GABRA3: variants seen among roughly 807,000 people sequenced by gnomAD.
GABRA3 encodes the protein gamma-aminobutyric acid receptor subunit alpha-3.
Under a neutral mutation model 30.1 loss-of-function variants are expected in GABRA3, and 10 were observed. That is an observed-to-expected ratio of 0.33 (90% CI 0.20 to 0.56). GABRA3 has a LOEUF of 0.56. Among genes scored for constraint, GABRA3 ranks in the 20% least tolerant of loss-of-function variants. The pLI is 0.89. For synonymous variants in GABRA3, 151 were observed against 146.8 expected (o/e 1.03, Z -0.21); for missense variants, 233 against 392.0 (o/e 0.59, Z 3.42).
intron 2 of GABRA3, among the ~76,000 whole-genome samples, chrX:152,352,509 C>T (rs759569795): frequency 1.2e-4 from 13 of 111,014 alleles, no homozygotes; most frequent in Non-Finnish European, 2.3e-4. Context: ...CATGCTGTCA[C>T]TGCCAGCATC....
At chrX:152,444,137 T>C (rs998878591) in intron 1 of GABRA3, among the ~76,000 whole-genome samples, 1 of 111,032 alleles carries the variant, frequency 9.0e-6, no homozygotes, top group African/African-American at 3.3e-5. Flanking sequence ...AACAATGTAA[T>C]GGTAGATATT....
intron 6 of GABRA3, among the ~76,000 whole-genome samples, chrX:152,215,209 G>A (rs1409750273): frequency 9.2e-6 from 1 of 108,952 alleles, no homozygotes; most frequent in Non-Finnish European, 1.9e-5. Context: ...GAAGTGGTGA[G>A]ACTGGGTATC....
At chrX:152,307,106 T>A (rs1026554261) in intron 3 of GABRA3, among the ~76,000 whole-genome samples, 1 of 111,128 alleles carries the variant, frequency 9.0e-6, no homozygotes, top group Admixed American at 9.6e-5. Context: ...TGAGACTGAG[T>A]CCTGGGTCAA....
At position 152,230,211 on chromosome X, in the gene GABRA3, A is replaced by T. The variant is rs143125930; in HGVS notation, c.552-5366T>A. Among the ~76,000 whole-genome samples the T allele has an allele frequency of 4.1e-3, 459 of 111,750 alleles. 2 individuals carry two copies. The Middle Eastern group carries it at 0.057, about 14-fold the overall frequency. ...TATATTAAAAATCATTTAATTGTAC[A>T]CTTCAAGAGGATAAATTGTATGACA... On this transcript the variant is annotated intron_variant, in intron 5 of 9. Transcript: ENST00000370314.
At chrX:152,325,632 G>T (rs1004439905) in intron 3 of GABRA3, among the ~76,000 whole-genome samples, 3 of 112,173 alleles carry the variant, frequency 2.7e-5, no homozygotes, top group Non-Finnish European at 3.8e-5. Flanking sequence ...GCAGCTGAGG[G>T]TCCTAACGGT....
In GABRA3 at chrX:152,190,655, T is replaced by C. The variant is rs1323643849; in HGVS notation, c.932-714A>G. On this transcript the variant is annotated intron_variant, in intron 8 of 9. Coordinates refer to ENST00000370314, the MANE Select transcript of GABRA3 (RefSeq NM_000808.4). ...AGCAAACTATCGTGGAAAGTGGTTC[T>C]GTAGCTGCGTCACACACTAGGTCCC... Among the ~76,000 whole-genome samples, 3 of 110,524 alleles carry C rather than the reference T, an allele frequency of 2.7e-5. No individual in the cohort carries two copies. In the East Asian group the frequency reaches 8.5e-4, roughly 31 times the overall value.
At chrX:152,388,505 C>T (rs557104141) in intron 1 of GABRA3, among the ~76,000 whole-genome samples, 10 of 111,842 alleles carry the variant, frequency 8.9e-5, no homozygotes, top group African/African-American at 2.9e-4. Flanking sequence ...ATTCACAATG[C>T]GTAAGTTGAC....
chrX:152,247,495 G>A (rs775845769), intron 5 of GABRA3, among the ~76,000 whole-genome samples: 56 of 111,513 alleles, frequency 5.0e-4, no homozygotes, highest in Admixed American at 3.5e-3. Flanking sequence ...GAATGACTTG[G>A]GTCTCTATAC....
intron 5 of GABRA3, among the ~76,000 whole-genome samples, chrX:152,232,402 C>G (rs1938099187): frequency 9.1e-6 from 1 of 109,577 alleles, no homozygotes; most frequent in African/African-American, 3.3e-5. Flanking sequence ...TTTCCCTTCC[C>G]TCACCCCTTC....
intron 5 of GABRA3, among the ~76,000 whole-genome samples, chrX:152,234,503 T>TCA (rs778262866): frequency 9.6e-4 from 107 of 111,647 alleles, no homozygotes; most frequent in African/African-American, 3.4e-3. Flanking sequence ...ATTCTTGTTC[T>TCA]CATTGCACTT....
chrX:152,350,982 T>G (rs1940470764), intron 2 of GABRA3, among the ~76,000 whole-genome samples: 3 of 112,051 alleles, frequency 2.7e-5, no homozygotes. Flanking sequence ...GAGTACTTTT[T>G]CCTGGGAAGT....
At chrX:152,242,258 A>T (rs764026922) in intron 5 of GABRA3, among the ~76,000 whole-genome samples, 1 of 111,435 alleles carries the variant, frequency 9.0e-6, no homozygotes, top group East Asian at 2.9e-4. Context: ...CCCCATTTAC[A>T]CCATACTCAA....
At chrX:152,184,539 G>C (rs1275670877) in intron 9 of GABRA3, among the ~76,000 whole-genome samples, 2 of 111,512 alleles carry the variant, frequency 1.8e-5, no homozygotes, top group Non-Finnish European at 3.8e-5. Flanking sequence ...CATCTGGCTA[G>C]AGACATTTCA....
At chrX:152,361,514 A>G (rs972003844) in intron 2 of GABRA3, among the ~76,000 whole-genome samples, 23 of 103,438 alleles carry the variant, frequency 2.2e-4, no homozygotes, top group Non-Finnish European at 4.1e-4. Flanking sequence ...CGGAAGTTGC[A>G]GTGAGCTGAG....
intron 5 of GABRA3, among the ~76,000 whole-genome samples, chrX:152,244,541 T>C (rs1211268471): frequency 1.8e-5 from 2 of 111,816 alleles, no homozygotes; most frequent in Middle Eastern, 4.6e-3. Flanking sequence ...AGCCTTGATC[T>C]TGGCCTTCCT....
At chrX:152,189,400 C>T (rs971079302) in intron 9 of GABRA3, among the ~76,000 whole-genome samples, 10 of 111,782 alleles carry the variant, frequency 8.9e-5, no homozygotes, top group African/African-American at 3.3e-4. Flanking sequence ...CAGAGATGGC[C>T]TTAGAGATTG....
At chrX:152,169,883 CT>C (rs1471192096) in intron 9 of GABRA3, among the ~76,000 whole-genome samples, 2 of 111,455 alleles carry the variant, frequency 1.8e-5, no homozygotes, top group African/African-American at 3.3e-5. Flanking sequence ...TTGCTGACCC[CT>C]ATCTCCTCAT....
intron 9 of GABRA3, chrX:152,187,075 A>G (rs1320423534): frequency 8.9e-6 from 1 of 111,997 alleles, no homozygotes; most frequent in Non-Finnish European, 1.9e-5. Context: ...TGCTCCTAAA[A>G]TATCTATCTG....
intron 1 of GABRA3, among the ~76,000 whole-genome samples, chrX:152,391,400 T>C (rs1482865082): frequency 9.0e-6 from 1 of 110,634 alleles, no homozygotes; most frequent in Non-Finnish European, 1.9e-5. Flanking sequence ...ACAAAGAAAA[T>C]AGCCACATAG....
Sources: allele counts gnomAD v4.1 joint callset (sites outside exome capture counted in the v4.1 genomes callset), GRCh38; gene constraint gnomAD v4.1.1; transcripts MANE v1.5; gene names NCBI Gene and HGNC (gene_info 2026-07-23, HGNC 2026-07-21).